Variants in EXD1 observed in about 807,000 individuals in gnomAD.
EXD1 encodes exonuclease 3'-5' domain containing 1.
EXD1 carries 63 observed loss-of-function variants against 49.1 expected under a neutral mutation model. The observed-to-expected ratio is 1.28, with a 90% CI of 1.05 to 1.58. The LOEUF (loss-of-function observed/expected upper bound fraction) is 1.58. Among genes scored for constraint, EXD1 ranks in the 40% most tolerant of loss-of-function variants. EXD1 has a pLI of 0.00. For missense variants in EXD1, 748 were observed against 666.0 expected (o/e 1.12, Z -1.36); for synonymous variants, 234 against 239.2 (o/e 0.98, Z 0.20).
chr15:41,197,266 C>T lies in EXD1; in HGVS notation c.535-1229G>A, dbSNP rs151324281. 4.6e-3 allele frequency among the ~76,000 whole-genome samples: 638 copies of T among 137,636 alleles called. 7 individuals carry two copies. Among genetic ancestry groups the T allele is most frequent in the African/African-American group, 0.017 (616 of 36,802 alleles). 90.3% of individuals were successfully genotyped at this position (137,636 alleles called of 152,430 possible). On this transcript the variant is annotated intron_variant, in intron 7 of 11. Coordinates refer to ENST00000458580, the MANE Select transcript of EXD1 (RefSeq NM_001286441.2). ...TTTTTGAGACGGAGTCTTGCTCTGT[C>T]GCCCAGGCTGGAGGGCAGTGGCACG...
intron 11 of EXD1, among the ~76,000 whole-genome samples, chr15:41,188,496 G>A (rs13329240): frequency 0.38 from 58,011 of 150,700 alleles, 12,112 homozygotes; most frequent in African/African-American, 0.57. Context: ...GGGTTCAAAC[G>A]ATTCTCCTGC....
chr15:41,228,682 C>G (rs1446930933), intron 1 of EXD1, among the ~76,000 whole-genome samples: 10 of 151,968 alleles, frequency 6.6e-5, no homozygotes, highest in African/African-American at 1.2e-4. Context: ...GAAAACAGCC[C>G]TTAATAGAGG....
At chr15:41,213,584 C>T (rs75089920) in intron 6 of EXD1, among the ~76,000 whole-genome samples, 24,268 of 151,552 alleles carry the variant, frequency 0.16, 3,587 homozygotes, top group African/African-American at 0.39. Flanking sequence ...GGCATGATCT[C>T]GGCTCACTGT....
At chr15:41,202,672 G>A (rs2046751096) in intron 7 of EXD1, among the ~76,000 whole-genome samples, 2 of 152,020 alleles carry the variant, frequency 1.3e-5, no homozygotes, top group Non-Finnish European at 2.9e-5. Flanking sequence ...TCACTAAGTT[G>A]CTCAGGCTGG....
At chr15:41,207,167 G>A (rs2046843259) in intron 7 of EXD1, among the ~76,000 whole-genome samples, 1 of 151,548 alleles carries the variant, frequency 6.6e-6, no homozygotes, top group Non-Finnish European at 1.5e-5. Flanking sequence ...CTTGAACCTA[G>A]GAGGCAGAGG....
intron 1 of EXD1, among the ~76,000 whole-genome samples, chr15:41,227,801 G>C (rs1413260752): frequency 6.6e-6 from 1 of 151,760 alleles, no homozygotes; most frequent in Non-Finnish European, 1.5e-5. Flanking sequence ...AGTAATCCTA[G>C]CACTTTAGGA....
At chr15:41,184,934 T>C (rs915193419) in intron 11 of EXD1, among the ~76,000 whole-genome samples, 1 of 152,074 alleles carries the variant, frequency 6.6e-6, no homozygotes, top group Non-Finnish European at 1.5e-5. Context: ...GGGATTACAG[T>C]CGTGAGCCAT....
intron 6 of EXD1, among the ~76,000 whole-genome samples, chr15:41,210,066 C>G (rs149358327): frequency 6.6e-6 from 1 of 152,114 alleles, no homozygotes; most frequent in African/African-American, 2.4e-5. Context: ...CAGGCATGCA[C>G]CACCACGCCC....
rs2047003813 is a variant in EXD1 at position 41,216,700 on chromosome 15, GAGGT to G, written c.352_355del (p.Thr118LeufsTer3). ...GCTGTACTTGAGGTCATTCAGCAGAGAGGTAGCTGGTGCTTCAGGGGCAGGAGAA... is the reference window on the plus strand; with the variant it reads ...GCTGTACTTGAGGTCATTCAGCAGAGAGCTGGTGCTTCAGGGGCAGGAGAA... On this transcript the variant is annotated frameshift_variant, in exon 5 of 12. Coordinates refer to ENST00000458580, the MANE Select transcript of EXD1 (RefSeq NM_001286441.2). LOFTEE classifies it high-confidence loss of function. 1 of 1,613,372 alleles carries G rather than the reference GAGGT, an allele frequency of 6.2e-7. No individual in the cohort carries two copies. The highest frequency in any genetic ancestry group is 8.5e-7 in the Non-Finnish European group (1 of 1,180,036).
At chr15:41,209,645 C>A in intron 6 of EXD1, 58 bp from the exon 7 acceptor site, 1 of 1,428,546 alleles carries the variant, frequency 7.0e-7, no homozygotes. Context: ...GGCATGATAA[C>A]ATCATGATTG....
intron 6 of EXD1, among the ~76,000 whole-genome samples, chr15:41,212,447 T>C (rs1397344804): frequency 3.4e-5 from 5 of 146,968 alleles, no homozygotes; most frequent in Non-Finnish European, 7.4e-5. Context: ...AGAGCAAGAC[T>C]CCGTCTCAAA....
chr15:41,223,999 T>C (rs8035252), intron 2 of EXD1, among the ~76,000 whole-genome samples: 44,254 of 151,836 alleles, frequency 0.29, 9,039 homozygotes, highest in African/African-American at 0.58. Context: ...GGACTATAGG[T>C]TAGACTAAGT....
Position 41,184,356 on chromosome 15 carries a change from G to A in EXD1, c.1294C>T (p.His432Tyr), listed in dbSNP as rs1232702635. The change falls in exon 12 of 12, where the codon CAC becomes TAC. Residue 432 changes from histidine to tyrosine, a missense_variant. By Grantham distance (83) the His-to-Tyr change is moderately conservative. Transcript: ENST00000458580. ...KAPSFTSQDFHGDVNLLKEES... is the reference protein window; with the variant it reads ...KAPSFTSQDFYGDVNLLKEES... ...TCTTTCAGTAAATTCACATCCCCGT[G>A]AAAGTCTTGAGATGTAAAACTTGGA... 1 of 1,614,038 alleles carries A rather than the reference G, an allele frequency of 6.2e-7. No individual in the cohort carries two copies. Among genetic ancestry groups the A allele is most frequent in the African/African-American group, 1.3e-5 (1 of 74,914 alleles).
chr15:41,208,783 A>C (rs1042736889), intron 7 of EXD1, among the ~76,000 whole-genome samples: 12 of 151,334 alleles, frequency 7.9e-5, no homozygotes, highest in Non-Finnish European at 1.8e-4. Flanking sequence ...AATAATAGAG[A>C]CTCTCATTTA....
At chr15:41,195,013 T>G (rs1595431186) in intron 9 of EXD1, among the ~76,000 whole-genome samples, 1 of 152,190 alleles carries the variant, frequency 6.6e-6, no homozygotes, top group East Asian at 1.9e-4. Context: ...GATTTCCCTT[T>G]TACTATCATA....
chr15:41,195,684 A>T (rs1480142159), intron 9 of EXD1, 91 bp downstream of exon 9: 1 of 949,136 alleles, frequency 1.1e-6, no homozygotes, highest in Non-Finnish European at 1.4e-6. Context: ...AAAAAATTAA[A>T]AAGACTTTCA....
intron 10 of EXD1, 105 bp downstream of exon 10, chr15:41,191,337 T>C (rs995794721): frequency 1.9e-6 from 2 of 1,062,888 alleles, no homozygotes; most frequent in Admixed American, 4.7e-5. Flanking sequence ...GCAATGTTCA[T>C]ATGATAACAT....
chr15:41,203,916 CAAAAAAAAAAAAAAA>C (rs1187093511), intron 7 of EXD1, among the ~76,000 whole-genome samples: 1 of 23,244 alleles, frequency 4.3e-5, no homozygotes, highest in Non-Finnish European at 6.5e-5. Flanking sequence ...GACTTCTCCT[CAAAAAAAAAAAAAAA>C]AAAAAAAAAA....
chr15:41,222,939 A>C (rs1427799193), intron 2 of EXD1, among the ~76,000 whole-genome samples: 3 of 82,818 alleles, frequency 3.6e-5, no homozygotes, highest in Non-Finnish European at 6.3e-5. Flanking sequence ...TGTCTCAAAA[A>C]AAAAAAAAAA....
Sources: gnomAD v4.1 joint callset for allele counts (sites outside exome capture counted in the v4.1 genomes callset) on GRCh38, gnomAD v4.1.1 for gene constraint, MANE v1.5 for transcripts, NCBI Gene and HGNC (gene_info 2026-07-23, HGNC 2026-07-21) for gene names.